Variants in DLGAP2 observed in about 807,000 individuals in gnomAD.
DLGAP2 encodes the protein DLG associated protein 2, also known as disks large-associated protein 2.
Under a neutral mutation model 100.3 loss-of-function variants are expected in DLGAP2, and 26 were observed. The observed-to-expected ratio is 0.26, with a 90% CI of 0.19 to 0.36. The LOEUF is 0.36. Ranked by LOEUF, DLGAP2 falls within the 10% of genes least tolerant of loss-of-function variation. DLGAP2 has a pLI of 1.00. For missense variants in DLGAP2, 1,858 were observed against 1,453.2 expected (o/e 1.28, Z -4.53); for synonymous variants, 886 against 630.1 (o/e 1.41, Z -6.08).
At chr8:740,100 C>G (rs1203420187) in intron 1 of DLGAP2, 2 of 152,276 alleles carry the variant, frequency 1.3e-5, no homozygotes, top group South Asian at 4.1e-4. Flanking sequence ...GAATGGCTTC[C>G]TCTGTTGATC....
intron 3 of DLGAP2, among the ~76,000 whole-genome samples, chr8:1,336,964 A>G (rs995419770): frequency 1.3e-5 from 2 of 152,192 alleles, no homozygotes; most frequent in Non-Finnish European, 2.9e-5. Context: ...CCCACCCTAA[A>G]ATGAAGATAT....
chr8:928,401 C>G (rs1385051852), intron 2 of DLGAP2, among the ~76,000 whole-genome samples: 1 of 152,042 alleles, frequency 6.6e-6, no homozygotes, highest in Non-Finnish European at 1.5e-5. Flanking sequence ...AGTAGGTGTC[C>G]TGGACGTGGA....
intron 2 of DLGAP2, among the ~76,000 whole-genome samples, chr8:952,271 C>T (rs546295532): frequency 1.3e-5 from 2 of 152,192 alleles, no homozygotes; most frequent in Non-Finnish European, 2.9e-5. Flanking sequence ...AGCTTAGGAC[C>T]TCTTGATGCT....
intron 2 of DLGAP2, among the ~76,000 whole-genome samples, chr8:949,691 A>G: frequency 6.6e-6 from 1 of 152,260 alleles, no homozygotes; most frequent in East Asian, 1.9e-4. Context: ...CCCCCCTTGC[A>G]GTGTCCCCGG....
At chr8:1,129,146 C>G (rs1267957133) in intron 2 of DLGAP2, among the ~76,000 whole-genome samples, 2 of 152,186 alleles carry the variant, frequency 1.3e-5, no homozygotes, top group Admixed American at 1.3e-4. Flanking sequence ...TGGCTCACAC[C>G]TGTAATCCCA....
At chr8:787,189 G>C (rs1258214980) in intron 1 of DLGAP2, among the ~76,000 whole-genome samples, 1 of 152,134 alleles carries the variant, frequency 6.6e-6, no homozygotes, top group Non-Finnish European at 1.5e-5. Context: ...AGCCTCAGCT[G>C]GTCCTTCCTT....
chr8:1,487,357 C>G (rs972447351), intron 3 of DLGAP2, among the ~76,000 whole-genome samples: 1 of 152,134 alleles, frequency 6.6e-6, no homozygotes, highest in African/African-American at 2.4e-5. Flanking sequence ...TACAGAGATT[C>G]AGGGAAGAAA....
At chr8:1,206,927 C>T (rs1312206137) in intron 2 of DLGAP2, among the ~76,000 whole-genome samples, 3 of 152,146 alleles carry the variant, frequency 2.0e-5, no homozygotes, top group Non-Finnish European at 2.9e-5. Flanking sequence ...ACAAGTGTTC[C>T]TTGTCATCCA....
chr8:1,314,159 T>C (rs890200499), intron 3 of DLGAP2, among the ~76,000 whole-genome samples: 1 of 152,250 alleles, frequency 6.6e-6, no homozygotes, highest in Non-Finnish European at 1.5e-5. Context: ...CCTATGAAAC[T>C]GTATGATGAG....
intron 2 of DLGAP2, among the ~76,000 whole-genome samples, chr8:1,026,645 A>G (rs772079841): frequency 2.6e-5 from 4 of 152,242 alleles, no homozygotes; most frequent in East Asian, 1.9e-4. Context: ...ACAAGAAGTT[A>G]TATTACTCTG....
intron 2 of DLGAP2, among the ~76,000 whole-genome samples, chr8:1,160,375 G>A (rs1265479556): frequency 6.6e-6 from 1 of 152,178 alleles, no homozygotes; most frequent in Non-Finnish European, 1.5e-5. Context: ...GCAAGGAAGT[G>A]CTGGTCTTTG....
chr8:1,003,171 C>T (rs1391480548), intron 2 of DLGAP2: 2 of 152,280 alleles, frequency 1.3e-5, no homozygotes, highest in Non-Finnish European at 2.9e-5. Context: ...GGCGCAGGGC[C>T]ACCGCTATGG....
chr8:1,047,862 C>A (rs2701931), intron 2 of DLGAP2, among the ~76,000 whole-genome samples: 22,106 of 152,086 alleles, frequency 0.15, 3,501 homozygotes, highest in African/African-American at 0.39. Context: ...TTCAATCTAT[C>A]GCAGCATCCT....
At chr8:1,671,731 G>T (rs185030495) in intron 10 of DLGAP2, among the ~76,000 whole-genome samples, 1 of 152,334 alleles carries the variant, frequency 6.6e-6, no homozygotes, top group African/African-American at 2.4e-5. Flanking sequence ...GCAGAAGCCA[G>T]CGGCAAGTCC....
At chr8:1,155,068 C>T (rs1039066754) in intron 2 of DLGAP2, among the ~76,000 whole-genome samples, 1 of 152,192 alleles carries the variant, frequency 6.6e-6, no homozygotes, top group Non-Finnish European at 1.5e-5. Context: ...GCACCTCTCA[C>T]CCTGGCCACT....
chr8:822,277 G>C (rs1796597267), intron 1 of DLGAP2: 2 of 399,302 alleles, frequency 5.0e-6, no homozygotes, highest in African/African-American at 4.1e-5. Flanking sequence ...TGCTGTGATG[G>C]GTGCTCCACC....
At chr8:1,289,296 T>A (rs1174656409) in intron 3 of DLGAP2, among the ~76,000 whole-genome samples, 2 of 152,220 alleles carry the variant, frequency 1.3e-5, no homozygotes, top group Non-Finnish European at 2.9e-5. Flanking sequence ...AGCTACTTAT[T>A]TGACCAAATT....
At chr8:1,500,947 G>A (rs1799700305) in intron 3 of DLGAP2, among the ~76,000 whole-genome samples, 1 of 152,198 alleles carries the variant, frequency 6.6e-6, no homozygotes. Context: ...TAGACCGGAA[G>A]GAAAGTCTTT....
At chr8:824,660 G>A (rs1341764662) in intron 1 of DLGAP2, among the ~76,000 whole-genome samples, 1 of 152,002 alleles carries the variant, frequency 6.6e-6, no homozygotes, top group African/African-American at 2.4e-5. Context: ...GCCTGTTTGG[G>A]TTCACTGGGG....
Sources: gnomAD v4.1 joint callset for allele counts (sites outside exome capture counted in the v4.1 genomes callset) on GRCh38, gnomAD v4.1.1 for gene constraint, MANE v1.5 for transcripts, NCBI Gene and HGNC (gene_info 2026-07-23, HGNC 2026-07-21) for gene names.